The following NCKAP5 variants were observed in gnomAD, a reference collection of about 807,000 sequenced individuals.
The protein encoded by NCKAP5 is NCK associated protein 5, also known as nck-associated protein 5.
NCKAP5 carries 92 observed loss-of-function variants against 167.0 expected under a neutral mutation model. The observed-to-expected ratio is 0.55, with a 90% confidence interval of 0.47 to 0.66. The LOEUF (loss-of-function observed/expected upper bound fraction) is 0.66. NCKAP5 is among the 30% of genes least tolerant of loss of function. The pLI, the probability that NCKAP5 is intolerant of heterozygous loss-of-function variation, is 0.00. For missense variants in NCKAP5, 2,378 were observed against 2,315.0 expected, an observed-to-expected ratio of 1.03 and a Z score of -0.56; for synonymous variants, 891 against 877.4, an observed-to-expected ratio of 1.02 and a Z score of -0.27.
At chr2:133,222,559 T>C (rs914002974) in intron 4 of NCKAP5, among the ~76,000 whole-genome samples, 3 of 152,198 alleles carry the variant, frequency 2.0e-5, no homozygotes, top group Admixed American at 6.5e-5. Flanking sequence ...AGTATTCTTA[T>C]AAAAATTCTT....
In NCKAP5 at chr2:133,119,235, C is replaced by G. The variant is rs1161267510; in HGVS notation, c.341+10743G>C. On this transcript the variant is annotated intron_variant, in intron 6 of 19. Transcript: ENST00000409261. ...GTCAGGCTAGTCTCAAACTCCTGAC[C>G]TCAGGTAATCCACTTGTTTCAGCCT... Among the ~76,000 whole-genome samples, 4 of 152,140 alleles carry G rather than the reference C, an allele frequency of 2.6e-5. No individual in the cohort carries two copies. The East Asian group carries it at 7.7e-4, about 29-fold the overall frequency.
intron 8 of NCKAP5, among the ~76,000 whole-genome samples, chr2:132,957,050 G>C (rs569264541): frequency 2.0e-5 from 3 of 152,166 alleles, no homozygotes; most frequent in Non-Finnish European, 4.4e-5. Context: ...AGTGTCATCT[G>C]TATGCTGATG....
At chr2:132,925,220 C>T (rs757390032) in intron 8 of NCKAP5, among the ~76,000 whole-genome samples, 1 of 151,974 alleles carries the variant, frequency 6.6e-6, no homozygotes, top group Non-Finnish European at 1.5e-5. Context: ...AACCTAGATC[C>T]CTCACATGTG....
At chr2:133,152,899 A>G (rs768769330) in intron 5 of NCKAP5, among the ~76,000 whole-genome samples, 1 of 152,222 alleles carries the variant, frequency 6.6e-6, no homozygotes, top group Non-Finnish European at 1.5e-5. Context: ...TTTGTAGCCC[A>G]GGAGCATGAG....
rs1171054178 is a variant in NCKAP5 at position 132,790,111 on chromosome 2, C to T, written c.1004G>A (p.Ser335Asn). The change falls in exon 13 of 20, where the codon AGC becomes AAC. Residue 335 changes from serine (S) to asparagine (N), a missense_variant. Physicochemically the swap from Ser to Asn is conservative, Grantham distance 46. This residue lies in a region of NCKAP5 where 1,049 missense variants were observed against 1,023.4 expected (regional missense o/e 1.02). Coordinates refer to ENST00000409261, the MANE Select transcript of NCKAP5 (RefSeq NM_207363.3). ...GGTGCTTGAAAGAGACAGTTCACTGCTGCTACTGTAGCTGTTTCGAGGACA... is the reference window on the plus strand; with the variant it reads ...GGTGCTTGAAAGAGACAGTTCACTGTTGCTACTGTAGCTGTTTCGAGGACA... ...HLCPRNSYSS[S>N]SELSLSSTCS... is the part of the protein sequence containing the mutation. 2 of 1,613,606 alleles carry T rather than the reference C, an allele frequency of 1.2e-6. No homozygotes were observed. The highest frequency in any genetic ancestry group is 1.7e-6 in the Non-Finnish European group (2 of 1,179,740).
rs7562687 is a variant in NCKAP5 at position 132,742,078 on chromosome 2, G to A, written c.5129-10027C>T. ...ATCCTAAAAGATTATCTTTGCTTCTGTACAACAATCTACTCATGCCCATAG... is the reference window on the plus strand; with the variant it reads ...ATCCTAAAAGATTATCTTTGCTTCTATACAACAATCTACTCATGCCCATAG... On this transcript the variant is annotated intron_variant, in intron 16 of 19. Transcript: ENST00000409261. Among the ~76,000 whole-genome samples, 291 of 152,096 alleles carry A rather than the reference G, an allele frequency of 1.9e-3. 2 individuals carry two copies. The highest frequency in any genetic ancestry group is 5.9e-3 in the African/African-American group (247 of 41,518).
At chr2:133,515,690 C>T (rs935254211) in intron 3 of NCKAP5, among the ~76,000 whole-genome samples, 1 of 152,196 alleles carries the variant, frequency 6.6e-6, no homozygotes, top group Non-Finnish European at 1.5e-5. Context: ...TTTACTTATG[C>T]CCATTTTCAA....
chr2:133,655,859 A>G, the NCKAP5 span, among the ~76,000 whole-genome samples: 3 of 152,170 alleles, frequency 2.0e-5, no homozygotes, highest in Admixed American at 6.5e-5. Context: ...ACACGAGCCA[A>G]AAGAGCTTGT....
the NCKAP5 span, among the ~76,000 whole-genome samples, chr2:133,659,998 G>C: frequency 6.6e-6 from 1 of 152,070 alleles, no homozygotes; most frequent in Admixed American, 6.6e-5. Flanking sequence ...GAAAGTATTG[G>C]AGATAGCACG....
chr2:133,008,738 TG>T (rs2078055347), intron 6 of NCKAP5, among the ~76,000 whole-genome samples: 1 of 152,110 alleles, frequency 6.6e-6, no homozygotes, highest in East Asian at 1.9e-4. Context: ...AACTAAAAAC[TG>T]GGGGAAAAAA....
chr2:133,165,155 G>T (rs1273130674), intron 5 of NCKAP5, among the ~76,000 whole-genome samples: 1 of 152,140 alleles, frequency 6.6e-6, no homozygotes, highest in Non-Finnish European at 1.5e-5. Flanking sequence ...CACAGACAGA[G>T]CCTACTACCC....
chr2:133,024,825 T>C (rs1019995336), intron 6 of NCKAP5, among the ~76,000 whole-genome samples: 6 of 152,218 alleles, frequency 3.9e-5, no homozygotes, highest in African/African-American at 1.2e-4. Context: ...TTTTATGATA[T>C]GTTTCCTTGG....
At chr2:132,679,490 T>C (rs1684924890) in intron 19 of NCKAP5, among the ~76,000 whole-genome samples, 1 of 152,098 alleles carries the variant, frequency 6.6e-6, no homozygotes, top group Non-Finnish European at 1.5e-5. Context: ...CCACCCAACA[T>C]CTCTGATTAC....
intron 3 of NCKAP5, among the ~76,000 whole-genome samples, chr2:133,383,880 T>C (rs1350631589): frequency 1.3e-5 from 2 of 152,242 alleles, no homozygotes; most frequent in Non-Finnish European, 2.9e-5. Context: ...GAAGTGTCTG[T>C]TCATATCCTT....
chr2:132,747,427 G>T (rs1408353825), intron 16 of NCKAP5, among the ~76,000 whole-genome samples: 2 of 152,114 alleles, frequency 1.3e-5, no homozygotes, highest in Non-Finnish European at 2.9e-5. Context: ...ATAATCGTGG[G>T]AAATAGCTAT....
At chr2:132,754,880 T>C (rs1680406668) in intron 16 of NCKAP5, among the ~76,000 whole-genome samples, 1 of 152,216 alleles carries the variant, frequency 6.6e-6, no homozygotes, top group African/African-American at 2.4e-5. Flanking sequence ...TCAACTAAAG[T>C]TTCAGAAAAT....
the NCKAP5 span, among the ~76,000 whole-genome samples, chr2:133,635,665 C>A: frequency 6.6e-6 from 1 of 152,066 alleles, no homozygotes; most frequent in Non-Finnish European, 1.5e-5. Context: ...AGACAAGCAA[C>A]TTATTTAAAT....
chr2:133,073,575 A>T (rs909187736), intron 6 of NCKAP5, among the ~76,000 whole-genome samples: 1 of 152,136 alleles, frequency 6.6e-6, no homozygotes, highest in Non-Finnish European at 1.5e-5. Context: ...GGAAGGTGAA[A>T]CTCATGTTCT....
In NCKAP5 at chr2:132,672,969, C is replaced by G. The variant is rs1201817385; in HGVS notation, c.*320G>C. Reference sequence around the variant, plus strand: ...ATCAAGCGGTGCACCCCCCACCCCCCACCCATCATTTCTTAAGCGCTCCAG... The same window carrying G: ...ATCAAGCGGTGCACCCCCCACCCCCGACCCATCATTTCTTAAGCGCTCCAG... On this transcript the variant is annotated 3_prime_UTR_variant, in exon 20 of 20. Transcript: ENST00000409261. 2.5e-5 allele frequency: 4 copies of G among 158,328 alleles called. No homozygotes were observed. The highest frequency in any genetic ancestry group is 5.5e-4 in the South Asian group (2 of 3,612). 9.8% of individuals were successfully genotyped at this position (158,328 alleles called of 1,614,324 possible). A position where few individuals can be genotyped will look rare whatever the true frequency, so the allele number is the denominator to read the frequency against.
Sources: allele counts gnomAD v4.1 joint callset (sites outside exome capture counted in the v4.1 genomes callset), GRCh38; gene constraint gnomAD v4.1.1; regional missense constraint gnomAD v4.1.1; transcripts MANE v1.5; gene names NCBI Gene and HGNC (gene_info 2026-07-23, HGNC 2026-07-21).